The following LRRTM4 variants were observed in gnomAD, a reference collection of about 807,000 sequenced individuals.
LRRTM4 encodes leucine-rich repeat transmembrane neuronal protein 4.
A neutral mutation model predicts 47.6 loss-of-function variants in LRRTM4; 25 were observed. The ratio of observed to expected loss-of-function variants is 0.53; its 90% confidence interval spans 0.38 to 0.73. The LOEUF is 0.73. Among genes scored for constraint, LRRTM4 ranks in the 30% least tolerant of loss-of-function variants. The pLI, the probability that LRRTM4 is intolerant of heterozygous loss-of-function variation, is 0.00. For synonymous variants in LRRTM4, 311 were observed against 269.5 expected, an observed-to-expected ratio of 1.15 and a Z score of -1.51; for missense variants, 638 against 713.4, an observed-to-expected ratio of 0.89 and a Z score of 1.20.
At chr2:76,749,920 G>A (rs1672790087) in intron 3 of LRRTM4, among the ~76,000 whole-genome samples, 1 of 152,166 alleles carries the variant, frequency 6.6e-6, no homozygotes, top group African/African-American at 2.4e-5. Flanking sequence ...GCCCTGTAAG[G>A]TTAGATGTTG....
At chr2:77,348,832 C>T (rs758444575) in intron 3 of LRRTM4, among the ~76,000 whole-genome samples, 1 of 150,176 alleles carries the variant, frequency 6.7e-6, no homozygotes. Flanking sequence ...TACATGAGTG[C>T]AAAAGTGGTT....
chr2:77,131,690 G>A (rs1177358632), intron 3 of LRRTM4, among the ~76,000 whole-genome samples: 1 of 152,086 alleles, frequency 6.6e-6, no homozygotes, highest in Non-Finnish European at 1.5e-5. Context: ...CAGGACAATG[G>A]GGAAGAATTT....
At position 77,338,395 on chromosome 2, in the gene LRRTM4, A is replaced by C. The variant is rs1191876279; in HGVS notation, c.1551+179923T>G. 3.3e-5 allele frequency among the ~76,000 whole-genome samples: 5 copies of C among 152,220 alleles called. No individual in the cohort carries two copies. In the East Asian group the frequency reaches 7.7e-4, roughly 24 times the overall value. On this transcript the variant is annotated intron_variant, in intron 3 of 3. Transcript: ENST00000409884. ...AAGAAACTTAGACAAATCCACAAGA[A>C]AAATCAAATAACCACATTAAAAACT...
At chr2:77,505,752 A>G (rs932368140) in intron 3 of LRRTM4, among the ~76,000 whole-genome samples, 1 of 151,690 alleles carries the variant, frequency 6.6e-6, no homozygotes, top group Non-Finnish European at 1.5e-5. Context: ...ATGCATTATC[A>G]TATCTGTATT....
intron 3 of LRRTM4, among the ~76,000 whole-genome samples, chr2:76,904,064 G>A (rs960497281): frequency 1.3e-5 from 2 of 152,230 alleles, no homozygotes; most frequent in Non-Finnish European, 2.9e-5. Context: ...CAACACTGGT[G>A]ACAGCTCTGA....
At chr2:77,425,946 G>C (rs894029301) in intron 3 of LRRTM4, among the ~76,000 whole-genome samples, 2 of 150,078 alleles carry the variant, frequency 1.3e-5, no homozygotes. Flanking sequence ...GTGAAACCCT[G>C]TCTCTATTAA....
intron 3 of LRRTM4, among the ~76,000 whole-genome samples, chr2:76,995,174 C>T (rs749526168): frequency 2.0e-5 from 3 of 151,942 alleles, no homozygotes; most frequent in East Asian, 1.9e-4. Context: ...GGAATAATTA[C>T]GAATGGAAAG....
intron 3 of LRRTM4, among the ~76,000 whole-genome samples, chr2:76,978,530 G>A (rs1189631454): frequency 6.6e-6 from 1 of 151,996 alleles, no homozygotes; most frequent in Admixed American, 6.6e-5. Flanking sequence ...TTAAGAAATG[G>A]ATGAGATAGA....
intron 3 of LRRTM4, among the ~76,000 whole-genome samples, chr2:76,872,593 G>A (rs1672654734): frequency 6.6e-6 from 1 of 151,902 alleles, no homozygotes; most frequent in Non-Finnish European, 1.5e-5. Context: ...AATACTGCTG[G>A]TGGGGTCACA....
At chr2:77,283,040 C>T (rs1676549721) in intron 3 of LRRTM4, among the ~76,000 whole-genome samples, 1 of 151,990 alleles carries the variant, frequency 6.6e-6, no homozygotes, top group Admixed American at 6.6e-5. Context: ...AGTAAACAGA[C>T]AACCTACAGA....
At chr2:77,191,726 T>C (rs929327814) in intron 3 of LRRTM4, among the ~76,000 whole-genome samples, 2 of 152,054 alleles carry the variant, frequency 1.3e-5, no homozygotes, top group African/African-American at 4.8e-5. Flanking sequence ...TAAATTATCA[T>C]ATGGAAGATT....
chr2:77,016,851 G>A (rs977847325), intron 3 of LRRTM4, among the ~76,000 whole-genome samples: 1 of 151,670 alleles, frequency 6.6e-6, no homozygotes, highest in African/African-American at 2.4e-5. Context: ...AAGGCCAATT[G>A]GATATTTGAA....
At chr2:76,955,266 G>A (rs756218045) in intron 3 of LRRTM4, among the ~76,000 whole-genome samples, 4 of 151,638 alleles carry the variant, frequency 2.6e-5, no homozygotes, top group East Asian at 2.0e-4. Context: ...TAACTACAAC[G>A]ATTAAAATAG....
At chr2:76,906,003 A>G (rs1207964439) in intron 3 of LRRTM4, among the ~76,000 whole-genome samples, 1 of 152,100 alleles carries the variant, frequency 6.6e-6, no homozygotes. Context: ...GAACGCCACA[A>G]AGATACTCCT....
At chr2:76,784,891 G>T (rs13422460) in intron 3 of LRRTM4, among the ~76,000 whole-genome samples, 9 of 151,922 alleles carry the variant, frequency 5.9e-5, no homozygotes, top group Non-Finnish European at 2.9e-5. Context: ...CATAGAAGCA[G>T]TTATTTTACA....
At chr2:76,834,806 A>T (rs1671460806) in intron 3 of LRRTM4, among the ~76,000 whole-genome samples, 1 of 152,194 alleles carries the variant, frequency 6.6e-6, no homozygotes, top group South Asian at 2.1e-4. Flanking sequence ...TGAAAATAGA[A>T]GAAATACCAG....
intron 3 of LRRTM4, among the ~76,000 whole-genome samples, chr2:77,079,523 C>T (rs1039242304): frequency 6.6e-6 from 1 of 152,122 alleles, no homozygotes; most frequent in South Asian, 2.1e-4. Context: ...GAGATTTTTG[C>T]AATTTTTTTA....
chr2:77,399,435 A>G (rs1317681014), intron 3 of LRRTM4, among the ~76,000 whole-genome samples: 1 of 151,812 alleles, frequency 6.6e-6, no homozygotes, highest in Non-Finnish European at 1.5e-5. Flanking sequence ...CATTTAACTC[A>G]TAAAAATAGA....
At chr2:77,285,434 A>T (rs567966652) in intron 3 of LRRTM4, among the ~76,000 whole-genome samples, 2 of 149,244 alleles carry the variant, frequency 1.3e-5, no homozygotes, top group African/African-American at 4.9e-5. Flanking sequence ...ATCCCATAAC[A>T]AAGAGAAATA....
Sources: allele counts gnomAD v4.1 joint callset (sites outside exome capture counted in the v4.1 genomes callset), GRCh38; gene constraint gnomAD v4.1.1; transcripts MANE v1.5; gene names NCBI Gene and HGNC (gene_info 2026-07-23, HGNC 2026-07-21).